The following ASH1L variants were observed in gnomAD, a reference collection of about 807,000 sequenced individuals.
The protein encoded by ASH1L is histone-lysine N-methyltransferase ASH1L.
In ASH1L, 23 loss-of-function variants were observed where a neutral mutation model predicts 269.0. The observed-to-expected ratio is 0.09, with a 90% confidence interval of 0.06 to 0.12. The LOEUF (loss-of-function observed/expected upper bound fraction) is 0.12, where lower values mean the gene tolerates loss of function less well. ASH1L is among the 10% of genes least tolerant of loss of function. The pLI is 1.00. For missense variants in ASH1L, 2,912 were observed against 3,567.8 expected, an observed-to-expected ratio of 0.82 and a Z score of 4.68; for synonymous variants, 1,187 against 1,253.5, an observed-to-expected ratio of 0.95 and a Z score of 1.12.
chr1:155,498,081 T>C (rs984048340), intron 2 of ASH1L, among the ~76,000 whole-genome samples: 1 of 151,960 alleles, frequency 6.6e-6, no homozygotes, highest in Non-Finnish European at 1.5e-5. Flanking sequence ...TGCTAAAACA[T>C]GGATAAACTT....
At chr1:155,504,504 C>T (rs1487869766) in intron 2 of ASH1L, among the ~76,000 whole-genome samples, 1 of 152,098 alleles carries the variant, frequency 6.6e-6, no homozygotes, top group African/African-American at 2.4e-5. Flanking sequence ...CAGGGTAGTT[C>T]ACTATTAATT....
At chr1:155,358,021 T>C (rs1654570684) in intron 13 of ASH1L, among the ~76,000 whole-genome samples, 1 of 152,106 alleles carries the variant, frequency 6.6e-6, no homozygotes, top group Admixed American at 6.6e-5. Context: ...CTCTCCCACC[T>C]TGGCCTCCCA....
At chr1:155,423,233 G>A (rs1415834062) in intron 5 of ASH1L, among the ~76,000 whole-genome samples, 1 of 151,404 alleles carries the variant, frequency 6.6e-6, no homozygotes, top group Non-Finnish European at 1.5e-5. Context: ...ACAGGCGTGA[G>A]CCACCACGCC....
intron 1 of ASH1L, among the ~76,000 whole-genome samples, chr1:155,524,110 T>C (rs1368569418): frequency 2.6e-5 from 4 of 152,210 alleles, no homozygotes; most frequent in Non-Finnish European, 5.9e-5. Flanking sequence ...TTCAAACTTA[T>C]CTTTACTTCC....
intron 20 of ASH1L, 40 bp from the exon 21 acceptor site, chr1:155,346,509 G>T: frequency 6.4e-7 from 1 of 1,559,694 alleles, no homozygotes; most frequent in South Asian, 1.1e-5. Context: ...TGGAGGCTAT[G>T]ACTTATTGAG....
At chr1:155,397,326 G>A (rs556950385) in intron 6 of ASH1L, among the ~76,000 whole-genome samples, 7,931 of 151,674 alleles carry the variant, frequency 0.052, 698 homozygotes, top group African/African-American at 0.18. Flanking sequence ...ATAAAACCCT[G>A]TCTCTACTAA....
chr1:155,375,852 G>T (rs548431808), intron 10 of ASH1L, among the ~76,000 whole-genome samples: 3 of 150,806 alleles, frequency 2.0e-5, no homozygotes, highest in South Asian at 4.2e-4. Flanking sequence ...ACTAAACGTA[G>T]ATCTAGGTTG....
At chr1:155,494,242 C>A (rs901176192) in intron 2 of ASH1L, among the ~76,000 whole-genome samples, 6 of 152,108 alleles carry the variant, frequency 3.9e-5, no homozygotes, top group Non-Finnish European at 8.8e-5. Context: ...AAAGCAAAGG[C>A]CCTGAGCCAG....
At chr1:155,369,597 G>C (rs1655751639) in intron 12 of ASH1L, among the ~76,000 whole-genome samples, 2 of 151,664 alleles carry the variant, frequency 1.3e-5, no homozygotes, top group Non-Finnish European at 2.9e-5. Flanking sequence ...TTCTCAATTA[G>C]ATGCTAATCT....
At chr1:155,350,920 T>TA (rs71077999) in intron 17 of ASH1L, among the ~76,000 whole-genome samples, 131,955 of 134,340 alleles carry the variant, frequency 0.98, 64,844 homozygotes, top group South Asian at 1. Context: ...GACTCCGTCC[T>TA]AAAAAAAAAA....
In ASH1L at chr1:155,421,775, T is replaced by C. The variant is rs1660704279; in HGVS notation, c.5829-5852A>G. ...TGATACTAGCTACACAAAATAAATG[T>C]AGAACAACGTAATAGAGTGTAGAAA... On this transcript the variant is annotated intron_variant, in intron 5 of 27. Transcript: ENST00000392403. Among the ~76,000 whole-genome samples the C allele has an allele frequency of 3.9e-5, 6 of 152,082 alleles. 1 individual carries two copies. In the South Asian group the frequency reaches 1.0e-3, roughly 26 times the overall value.
At chr1:155,426,821 C>A (rs1336685485) in intron 5 of ASH1L, among the ~76,000 whole-genome samples, 1 of 152,086 alleles carries the variant, frequency 6.6e-6, no homozygotes, top group Non-Finnish European at 1.5e-5. Flanking sequence ...GTTTAAGTAT[C>A]GCAAATCTCA....
intron 5 of ASH1L, among the ~76,000 whole-genome samples, chr1:155,421,035 G>T (rs1269734522): frequency 6.6e-6 from 1 of 151,240 alleles, no homozygotes; most frequent in Non-Finnish European, 1.5e-5. Flanking sequence ...CCAGAGGTTG[G>T]AGACCAACCG....
chr1:155,493,933 A>G (rs1004195016), intron 2 of ASH1L, among the ~76,000 whole-genome samples: 2 of 152,106 alleles, frequency 1.3e-5, no homozygotes, highest in African/African-American at 4.8e-5. Context: ...ACTATTGAGC[A>G]CTGAGGATAA....
chr1:155,481,027 G>A lies in ASH1L; in HGVS notation c.1843C>T (p.His615Tyr), dbSNP rs1353579493. The change falls in exon 3 of 28, where the codon CAT (histidine) becomes TAT (tyrosine). Residue 615 changes from histidine to tyrosine, a missense_variant. This residue lies in a region of ASH1L where 715 missense variants were observed against 721.0 expected (regional missense o/e 0.99). Transcript: ENST00000392403. ...TSESTHLNVG[H>Y]RSVGHSISIE... is the part of the protein sequence containing the mutation. Reference sequence around the variant, plus strand: ...CTTATACTATGACCAACTGACCTATGACCAACGTTCAAGTGGGTACTTTCA... The same window carrying A: ...CTTATACTATGACCAACTGACCTATAACCAACGTTCAAGTGGGTACTTTCA... 6.2e-7 allele frequency: 1 copy of A among 1,613,816 alleles called. No individual in the cohort carries two copies. The highest frequency in any genetic ancestry group is 8.5e-7 in the Non-Finnish European group (1 of 1,179,968).
At chr1:155,529,028 T>A (rs538982938) in intron 1 of ASH1L, among the ~76,000 whole-genome samples, 1 of 152,058 alleles carries the variant, frequency 6.6e-6, no homozygotes, top group East Asian at 1.9e-4. Flanking sequence ...AAGTACATGA[T>A]CTCATTTTTT....
chr1:155,490,038 G>C (rs909169021), intron 2 of ASH1L, among the ~76,000 whole-genome samples: 1 of 150,448 alleles, frequency 6.6e-6, no homozygotes, highest in Non-Finnish European at 1.5e-5. Flanking sequence ...GTGCCATCTC[G>C]GCTCACTGCA....
intron 2 of ASH1L, among the ~76,000 whole-genome samples, chr1:155,492,926 C>G (rs1666908240): frequency 1.3e-5 from 2 of 152,030 alleles, no homozygotes; most frequent in South Asian, 4.2e-4. Context: ...CAAGCTCTAG[C>G]CAACATCCCA....
chr1:155,488,668 C>CAAAAAAAA (rs371829476), intron 2 of ASH1L, among the ~76,000 whole-genome samples: 3 of 29,196 alleles, frequency 1.0e-4, no homozygotes, highest in Non-Finnish European at 1.3e-4. Context: ...GACTCTGTCA[C>CAAAAAAAA]AAAAAAAAAA....
Sources: gnomAD v4.1 joint callset for allele counts (sites outside exome capture counted in the v4.1 genomes callset) on GRCh38, gnomAD v4.1.1 for gene constraint, gnomAD v4.1.1 regional missense constraint, MANE v1.5 for transcripts, NCBI Gene and HGNC (gene_info 2026-07-23, HGNC 2026-07-21) for gene names.